Variants in PIEZO2 observed in about 807,000 individuals in gnomAD.
The protein encoded by PIEZO2 is piezo-type mechanosensitive ion channel component 2.
A neutral mutation model predicts 337.3 loss-of-function variants in PIEZO2; 172 were observed. The ratio of observed to expected loss-of-function variants is 0.51; its 90% CI spans 0.45 to 0.58. The LOEUF (loss-of-function observed/expected upper bound fraction) is 0.58. PIEZO2 is among the 20% of genes least tolerant of loss of function. The probability of loss-of-function intolerance (pLI) is 0.00; values close to 1 mark genes in which losing one functional copy is unlikely to be tolerated. For synonymous variants in PIEZO2, 1,251 were observed against 1,228.5 expected, an observed-to-expected ratio of 1.02 and a Z score of -0.38; for missense variants, 3,028 against 3,391.3, an observed-to-expected ratio of 0.89 and a Z score of 2.66.
intron 47 of PIEZO2, among the ~76,000 whole-genome samples, chr18:10,695,199 C>A (rs777874845): frequency 6.6e-6 from 1 of 152,210 alleles, no homozygotes; most frequent in Non-Finnish European, 1.5e-5. Flanking sequence ...GTCATAAACA[C>A]TGTTTTGCCT....
At chr18:10,782,232 T>C (rs1197416757) in intron 17 of PIEZO2, among the ~76,000 whole-genome samples, 1 of 129,354 alleles carries the variant, frequency 7.7e-6, no homozygotes, top group Non-Finnish European at 1.6e-5. Context: ...ATAATATATA[T>C]GATTATATAT....
At chr18:10,791,857 T>A (rs1388708056) in intron 13 of PIEZO2, among the ~76,000 whole-genome samples, 1 of 152,224 alleles carries the variant, frequency 6.6e-6, no homozygotes, top group Admixed American at 6.5e-5. Flanking sequence ...CATAGTAACA[T>A]TTTCTTAAGG....
intron 36 of PIEZO2, chr18:10,725,134 C>T: frequency 3.4e-6 from 5 of 1,455,760 alleles, no homozygotes; most frequent in Non-Finnish European, 4.8e-6. Context: ...GGAGCCCATG[C>T]CTATGGCTGT....
At position 10,912,642 on chromosome 18, in the gene PIEZO2, G is replaced by A. The variant is rs1303166173; in HGVS notation, c.287-1414C>T. Among the ~76,000 whole-genome samples the A allele has an allele frequency of 2.6e-5, 4 of 152,246 alleles. No homozygotes were observed. In the South Asian group the frequency reaches 8.3e-4, roughly 32 times the overall value. On this transcript the variant is annotated intron_variant, in intron 3 of 55. Transcript: ENST00000674853. ...ATTTCTTGAGAACTCTGCCTCAAAG[G>A]CTTCATCTTCGGATGGCCACTAAGT...
rs1268281355 is a variant in PIEZO2 at position 10,677,280 on chromosome 18, C to A, written c.8081+467G>T. ...TTGCCCAGGCTGGAGTGCAGTGCTG[C>A]GATCTAGGCTCACTGCAACCTCTGC... On this transcript the variant is annotated intron_variant, in intron 53 of 55. Transcript: ENST00000674853. This position sits in a 1 kb window ranked among gnomAD's most constrained non-coding sequence, Gnocchi z 4.1. Among the ~76,000 whole-genome samples the A allele has an allele frequency of 6.6e-6, 1 of 152,088 alleles. No homozygotes were observed.
rs57159292 is a variant in PIEZO2, at chr18:10,825,550, C to CTTTTTTTTTTTTTTTT, written c.918-18292_918-18277dup. On this transcript the variant is annotated intron_variant, in intron 7 of 55. Transcript: ENST00000674853. ...TTTTTCCACTTTCTTTCCTTTCTTC[C>CTTTTTTTTTTTTTTTT]TTTTTTTTTTTTTTTTTTGAGACAG... is the stretch of plus-strand genomic sequence containing the variant. Among the ~76,000 whole-genome samples the CTTTTTTTTTTTTTTTT allele has an allele frequency of 1.7e-4, 19 of 113,834 alleles. 1 individual carries two copies. Among genetic ancestry groups the CTTTTTTTTTTTTTTTT allele is most frequent in the South Asian group, 3.1e-4 (1 of 3,274 alleles). 74.7% of individuals were successfully genotyped at this position (113,834 alleles called of 152,430 possible). A position where few individuals can be genotyped will look rare whatever the true frequency, so the allele number is the denominator to read the frequency against.
chr18:10,804,654 C>A (rs559855799), intron 8 of PIEZO2, among the ~76,000 whole-genome samples: 1 of 140,546 alleles, frequency 7.1e-6, no homozygotes, highest in Non-Finnish European at 1.7e-5. Flanking sequence ...AAGCAGGGCA[C>A]CCTAACTCCC....
intron 1 of PIEZO2, among the ~76,000 whole-genome samples, chr18:11,093,374 TA>T (rs11301980): frequency 0.023 from 3,472 of 152,148 alleles, 132 homozygotes; most frequent in African/African-American, 0.077. Context: ...AAACAAACAA[TA>T]ACAATATAAT....
intron 18 of PIEZO2, among the ~76,000 whole-genome samples, chr18:10,778,798 G>A (rs2038880450): frequency 1.3e-5 from 2 of 152,148 alleles, no homozygotes; most frequent in South Asian, 4.1e-4. Flanking sequence ...TGGGATAAGG[G>A]GCATAAGCTC....
rs1356839132 is a variant in PIEZO2, at chr18:10,990,136, AAAC to A, written c.161-10479_161-10477del. ...ATTAGATGCATTAAGGCAGAACATC[AAAC>A]AACATAGCTGGTGCTTGAAAAAATA... On this transcript the variant is annotated intron_variant, in intron 2 of 55. Transcript: ENST00000674853. Among the ~76,000 whole-genome samples, 8 of 152,322 alleles carry A rather than the reference AAAC, an allele frequency of 5.3e-5. No homozygotes were observed. The South Asian group carries it at 1.7e-3, about 32-fold the overall frequency.
At chr18:10,909,909 G>T (rs1164681895) in intron 4 of PIEZO2, among the ~76,000 whole-genome samples, 5 of 152,192 alleles carry the variant, frequency 3.3e-5, no homozygotes, top group Non-Finnish European at 5.9e-5. Context: ...AGCAAACAGC[G>T]ATGGTGCTGA....
intron 2 of PIEZO2, among the ~76,000 whole-genome samples, chr18:11,005,831 G>A (rs1021772381): frequency 1.3e-5 from 2 of 152,192 alleles, no homozygotes; most frequent in Admixed American, 1.3e-4. Context: ...CTGTCAGCCT[G>A]CATGGCCTTC....
At chr18:10,967,992 C>T (rs1235451939) in intron 3 of PIEZO2, among the ~76,000 whole-genome samples, 1 of 152,006 alleles carries the variant, frequency 6.6e-6, no homozygotes, top group Non-Finnish European at 1.5e-5. Flanking sequence ...GTTTTTGTTG[C>T]ATTTGCTTTT....
At chr18:10,909,134 T>C (rs1396151579) in intron 4 of PIEZO2, among the ~76,000 whole-genome samples, 1 of 152,218 alleles carries the variant, frequency 6.6e-6, no homozygotes, top group Non-Finnish European at 1.5e-5. Context: ...GATAGAGTGA[T>C]GGGTTTGTGT....
chr18:10,910,874 AGAGTCAACCATTTC>A (rs2145069904), intron 4 of PIEZO2, among the ~76,000 whole-genome samples: 1 of 152,154 alleles, frequency 6.6e-6, no homozygotes, highest in South Asian at 2.1e-4. Context: ...AAGCTAGGGG[AGAGTCAACCATTTC>A]CTGGGATTCT....
intron 47 of PIEZO2, among the ~76,000 whole-genome samples, chr18:10,695,515 C>T (rs182680629): frequency 1.3e-5 from 2 of 152,254 alleles, no homozygotes; most frequent in Admixed American, 6.5e-5. Context: ...GATGGGTCTG[C>T]GTGCTTCTCT....
Position 11,047,634 on chromosome 18 carries a change from G to A in PIEZO2, c.160+18493C>T, listed in dbSNP as rs988696407. On this transcript the variant is annotated intron_variant, in intron 2 of 55. Transcript: ENST00000674853. The surrounding 1 kb of genome is among the most constrained non-coding windows in gnomAD (Gnocchi z 7.2). ...ACACCAACACTCCAGGCAATAGGGAGAATCGAAGTCTTGGTCCTAAGGAGG... is the reference window on the plus strand; with the variant it reads ...ACACCAACACTCCAGGCAATAGGGAAAATCGAAGTCTTGGTCCTAAGGAGG... 6.6e-6 allele frequency among the ~76,000 whole-genome samples: 1 copy of A among 152,172 alleles called. No homozygotes were observed. Among genetic ancestry groups the A allele is most frequent in the African/African-American group, 2.4e-5 (1 of 41,432 alleles).
At chr18:10,742,265 G>C (rs1359861110) in intron 32 of PIEZO2, among the ~76,000 whole-genome samples, 4 of 152,196 alleles carry the variant, frequency 2.6e-5, no homozygotes, top group African/African-American at 4.8e-5. Context: ...ATTTGTTAAA[G>C]CTATCTTGCT....
chr18:11,123,667 G>A (rs1006661874), intron 1 of PIEZO2, among the ~76,000 whole-genome samples: 4 of 152,114 alleles, frequency 2.6e-5, no homozygotes, highest in African/African-American at 7.2e-5. Context: ...ACAATTAGCC[G>A]GGCGTGGTGG....
Sources: allele counts gnomAD v4.1 joint callset (sites outside exome capture counted in the v4.1 genomes callset), GRCh38; gene constraint gnomAD v4.1.1; non-coding constraint Gnocchi (gnomAD v3.1); transcripts MANE v1.5; gene names NCBI Gene and HGNC (gene_info 2026-07-23, HGNC 2026-07-21).